The following RIMBP2 variants were observed in gnomAD, a reference collection of about 807,000 sequenced individuals.
The protein encoded by RIMBP2 is RIMS-binding protein 2.
In RIMBP2, 48 loss-of-function variants were observed where a neutral mutation model predicts 118.6. That is an observed-to-expected ratio of 0.40 (90% confidence interval 0.32 to 0.51). The LOEUF (loss-of-function observed/expected upper bound fraction) is 0.51, where lower values mean the gene tolerates loss of function less well. Ranked by LOEUF, RIMBP2 falls within the 20% of genes least tolerant of loss-of-function variation. RIMBP2 has a pLI of 0.41. For missense variants in RIMBP2, 1,551 were observed against 1,768.3 expected, an observed-to-expected ratio of 0.88 and a Z score of 2.20; for synonymous variants, 762 against 742.9, an observed-to-expected ratio of 1.03 and a Z score of -0.42.
Position 130,713,189 on chromosome 12 carries a change from AGAAG to A in RIMBP2, c.-352+3029_-352+3032del, listed in dbSNP as rs146831323. 4.3e-4 allele frequency among the ~76,000 whole-genome samples: 48 copies of A among 110,938 alleles called. 1 individual carries two copies. The highest frequency in any genetic ancestry group is 4.2e-3 in the Middle Eastern group (1 of 236). The allele number at this position is 110,938 out of a possible 152,430, so 72.8% of individuals were successfully genotyped here. On this transcript the variant is annotated intron_variant, in intron 1 of 22. Coordinates refer to ENST00000690449, the MANE Select transcript of RIMBP2 (RefSeq NM_001393629.1). ...AGTGAGAGAAGAAGGAAGGAAGGAA[AGAAG>A]GAAGGAAGGAAGGAAGATAGGAAGG...
chr12:130,563,278 C>T (rs979412769), intron 2 of RIMBP2, among the ~76,000 whole-genome samples: 6 of 152,192 alleles, frequency 3.9e-5, no homozygotes, highest in East Asian at 1.9e-4. Context: ...CGCGTTCTTA[C>T]GCCCTGCCAA....
intron 10 of RIMBP2, among the ~76,000 whole-genome samples, chr12:130,444,357 C>T (rs1056219162): frequency 2.0e-5 from 3 of 152,108 alleles, no homozygotes; most frequent in African/African-American, 7.2e-5. Context: ...CCCAAGTAAA[C>T]ACCCAGGAAA....
At chr12:130,637,292 T>C (rs901701) in intron 1 of RIMBP2, among the ~76,000 whole-genome samples, 137,406 of 152,256 alleles carry the variant, frequency 0.9, 62,360 homozygotes, top group Middle Eastern at 0.97. Context: ...ATGGGAGGCC[T>C]CTGGGAGTAG....
intron 1 of RIMBP2, among the ~76,000 whole-genome samples, chr12:130,713,622 C>CG (rs916289877): frequency 6.6e-6 from 1 of 152,222 alleles, no homozygotes; most frequent in African/African-American, 2.4e-5. Flanking sequence ...GGTTCTCCCC[C>CG]GGGTTCCCAG....
At chr12:130,498,373 C>T (rs547781238) in intron 4 of RIMBP2, among the ~76,000 whole-genome samples, 2 of 152,342 alleles carry the variant, frequency 1.3e-5, no homozygotes, top group African/African-American at 4.8e-5. Flanking sequence ...TATCGAGTGT[C>T]TACTATATGC....
intron 13 of RIMBP2, among the ~76,000 whole-genome samples, 170 bp from the exon 14 acceptor site, chr12:130,435,050 C>CT (rs375104659): frequency 0.082 from 11,902 of 144,368 alleles, 512 homozygotes; most frequent in Middle Eastern, 0.1. Flanking sequence ...CCACCAGAAT[C>CT]TTTTTTTTTT....
chr12:130,612,897 C>A (rs2140637019), intron 2 of RIMBP2, among the ~76,000 whole-genome samples: 1 of 137,938 alleles, frequency 7.2e-6, no homozygotes, highest in Middle Eastern at 3.5e-3. Context: ...CTTCTCCTTT[C>A]CCTCCCCCCT....
chr12:130,709,821 CT>C (rs1383156742), intron 1 of RIMBP2, among the ~76,000 whole-genome samples: 2 of 152,138 alleles, frequency 1.3e-5, no homozygotes, highest in African/African-American at 4.8e-5. Flanking sequence ...TCAGAGGAAC[CT>C]GTACCAACGC....
chr12:130,538,388 T>C (rs1300427815), intron 2 of RIMBP2, among the ~76,000 whole-genome samples: 2 of 152,080 alleles, frequency 1.3e-5, no homozygotes, highest in African/African-American at 2.4e-5. Context: ...TGGTCCTCAC[T>C]GCCCTTACTC....
chr12:130,509,733 C>T (rs1056485175), intron 3 of RIMBP2, among the ~76,000 whole-genome samples: 3 of 150,880 alleles, frequency 2.0e-5, no homozygotes, highest in Non-Finnish European at 2.9e-5. Context: ...TCTGCCCCCC[C>T]GCCCCGGCAA....
chr12:130,655,981 C>T (rs2063411788), intron 1 of RIMBP2, among the ~76,000 whole-genome samples: 1 of 152,226 alleles, frequency 6.6e-6, no homozygotes, highest in Admixed American at 6.5e-5. Context: ...GAATCCAGCC[C>T]TTCTGGGGAA....
intron 2 of RIMBP2, among the ~76,000 whole-genome samples, chr12:130,527,655 A>C (rs899722809): frequency 6.6e-6 from 1 of 152,178 alleles, no homozygotes; most frequent in Admixed American, 6.5e-5. Flanking sequence ...GCAAACAGAC[A>C]ACCTGCAGAA....
rs533200049 is a variant in RIMBP2 at position 130,710,188 on chromosome 12, G to T, written c.-352+6034C>A. Among the ~76,000 whole-genome samples the T allele has an allele frequency of 6.6e-6, 1 of 152,252 alleles. No individual in the cohort carries two copies. Among genetic ancestry groups the T allele is most frequent in the East Asian group, 1.9e-4 (1 of 5,170 alleles). On this transcript the variant is annotated intron_variant, in intron 1 of 22. Coordinates refer to ENST00000690449, the MANE Select transcript of RIMBP2 (RefSeq NM_001393629.1). The surrounding 1 kb of genome is among the most constrained non-coding windows in gnomAD (Gnocchi z 4.3). ...AATCAAAGCCACCGAGCAGCTCGCA[G>T]ATCCATTCCTCCCTCTGCCCTCGGG... is the stretch of plus-strand genomic sequence containing the variant.
chr12:130,521,631 G>A (rs2052133029), intron 2 of RIMBP2, among the ~76,000 whole-genome samples: 1 of 152,108 alleles, frequency 6.6e-6, no homozygotes. Flanking sequence ...GCTAGTGGTC[G>A]AGTGTGATGC....
At chr12:130,695,173 A>T (rs2065507947) in intron 1 of RIMBP2, among the ~76,000 whole-genome samples, 1 of 152,172 alleles carries the variant, frequency 6.6e-6, no homozygotes, top group Non-Finnish European at 1.5e-5. Flanking sequence ...TCAGGCCCAC[A>T]TGCTACATCC....
intron 1 of RIMBP2, among the ~76,000 whole-genome samples, chr12:130,713,336 C>T (rs995282994): frequency 6.6e-6 from 1 of 151,878 alleles, no homozygotes; most frequent in Non-Finnish European, 1.5e-5. Flanking sequence ...GCATCACCAA[C>T]AAGAGATGCA....
chr12:130,668,991 A>G (rs1186092838), intron 1 of RIMBP2: 2 of 152,300 alleles, frequency 1.3e-5, no homozygotes, highest in Non-Finnish European at 2.9e-5. Context: ...GAACTTAAAC[A>G]AACAGGTTAT....
intron 1 of RIMBP2, among the ~76,000 whole-genome samples, chr12:130,630,525 G>A (rs1429944817): frequency 4.6e-5 from 7 of 151,946 alleles, no homozygotes; most frequent in Non-Finnish European, 7.4e-5. Context: ...CCAGAATCAC[G>A]ATAAATTGAA....
chr12:130,472,722 C>A (rs1174553953), intron 5 of RIMBP2, among the ~76,000 whole-genome samples: 1 of 152,152 alleles, frequency 6.6e-6, no homozygotes, highest in Non-Finnish European at 1.5e-5. Context: ...CTTGGCTTCC[C>A]CAGCCAAGGG....
Sources: allele counts gnomAD v4.1 joint callset (sites outside exome capture counted in the v4.1 genomes callset), GRCh38; gene constraint gnomAD v4.1.1; non-coding constraint Gnocchi (gnomAD v3.1); transcripts MANE v1.5; gene names NCBI Gene and HGNC (gene_info 2026-07-23, HGNC 2026-07-21).